Variants in BLTP1 observed in about 807,000 individuals in gnomAD.
BLTP1 encodes fragile site-associated protein.
chr4:122,346,155 A>G, the BLTP1 span, among the ~76,000 whole-genome samples: 2 of 152,152 alleles, frequency 1.3e-5, no homozygotes, highest in African/African-American at 4.8e-5. Flanking sequence ...GGAGTAGAAG[A>G]ATGCTCCAGA....
chr4:122,305,513 G>A, the BLTP1 span: 14 of 984,236 alleles, frequency 1.4e-5, no homozygotes, highest in Non-Finnish European at 1.7e-5. Context: ...AAAAATGCCA[G>A]TCACAGTTTC....
the BLTP1 span, among the ~76,000 whole-genome samples, chr4:122,262,475 T>A: frequency 6.6e-6 from 1 of 151,662 alleles, no homozygotes; most frequent in African/African-American, 2.4e-5. Context: ...CTCATCAGAT[T>A]AAGAAGGGAA....
chr4:122,274,547 G>A, the BLTP1 span: 12 of 1,441,298 alleles, frequency 8.3e-6, no homozygotes, highest in Middle Eastern at 2.1e-4. Flanking sequence ...TCAGTTCCCA[G>A]ATACTGAGAA....
At chr4:122,318,349 C>A in the BLTP1 span, 1 of 1,087,338 alleles carries the variant, frequency 9.2e-7, no homozygotes, top group Non-Finnish European at 1.4e-6. Context: ...GTACCAGGTA[C>A]CATCTAAAGC....
At chr4:122,189,376 A>C in the BLTP1 span, 1 of 983,538 alleles carries the variant, frequency 1.0e-6, no homozygotes, top group African/African-American at 1.7e-5. Flanking sequence ...TTTCTGGGAA[A>C]TTATTGATGG....
chr4:122,347,400 T>C, the BLTP1 span: 3 of 1,357,248 alleles, frequency 2.2e-6, no homozygotes, highest in Non-Finnish European at 3.0e-6. Context: ...AGCTGCTAAA[T>C]AGAGAACTAG....
At chr4:122,254,109 G>T in the BLTP1 span, 1 of 1,249,228 alleles carries the variant, frequency 8.0e-7, no homozygotes, top group South Asian at 1.4e-5. Context: ...TTGATGAAAA[G>T]GTTTTGCACT....
the BLTP1 span, among the ~76,000 whole-genome samples, chr4:122,268,303 T>C: frequency 6.7e-6 from 1 of 149,822 alleles, no homozygotes; most frequent in Non-Finnish European, 1.5e-5. Context: ...TGAATGGTCC[T>C]GTCCTTATGA....
chr4:122,169,635 C>T, the BLTP1 span: 1 of 962,696 alleles, frequency 1.0e-6, no homozygotes, highest in South Asian at 4.8e-5. Flanking sequence ...TGGTACATCT[C>T]AATATTCATA....
the BLTP1 span, chr4:122,292,345 T>G: frequency 5.6e-6 from 5 of 895,288 alleles, no homozygotes; most frequent in Non-Finnish European, 5.3e-6. Flanking sequence ...TAAAACAACT[T>G]GAGTATAAGA....
chr4:122,230,054 G>A, the BLTP1 span: 2 of 1,614,152 alleles, frequency 1.2e-6, no homozygotes, highest in East Asian at 2.2e-5. Flanking sequence ...TTGCAGAATT[G>A]GACTTCAGCC....
the BLTP1 span, chr4:122,245,256 A>T: frequency 1.2e-6 from 1 of 864,216 alleles, no homozygotes; most frequent in East Asian, 2.6e-5. Flanking sequence ...GACATGTTCT[A>T]AAAGCGTTTA....
chr4:122,163,812 T>C, the BLTP1 span, among the ~76,000 whole-genome samples: 1 of 152,212 alleles, frequency 6.6e-6, no homozygotes, highest in East Asian at 1.9e-4. Flanking sequence ...ATGCTTTTAA[T>C]CCATATAGTG....
At chr4:122,221,675 A>T in the BLTP1 span, 13 of 294,726 alleles carry the variant, frequency 4.4e-5, no homozygotes, top group African/African-American at 2.1e-4. Flanking sequence ...TATTAACCTT[A>T]AAAAAAAAAA....
chr4:122,356,723 T>C, the BLTP1 span: 1 of 1,613,462 alleles, frequency 6.2e-7, no homozygotes, highest in Non-Finnish European at 8.5e-7. Context: ...CTTCATGATT[T>C]AGTATCAGCT....
chr4:122,154,309 G>A, the BLTP1 span: 1 of 984,198 alleles, frequency 1.0e-6, no homozygotes, highest in Non-Finnish European at 1.2e-6. Flanking sequence ...CCAAGTAGCT[G>A]GGTCTTCTGA....
chr4:122,316,501 T>C, the BLTP1 span: 2 of 525,900 alleles, frequency 3.8e-6, no homozygotes, highest in Non-Finnish European at 7.5e-6. Flanking sequence ...CTCCCCTCAG[T>C]CTAGCCAGTC....
chr4:122,274,578 C>A, the BLTP1 span: 1 of 1,357,324 alleles, frequency 7.4e-7, no homozygotes, highest in Non-Finnish European at 9.5e-7. Context: ...AAGAATATCA[C>A]CAAATAAAAT....
At chr4:122,182,798 C>T in the BLTP1 span, 45 of 984,964 alleles carry the variant, frequency 4.6e-5, no homozygotes, top group Non-Finnish European at 4.7e-5. Flanking sequence ...TCTACCAAAT[C>T]GATTCAAGTA....
Sources: allele counts gnomAD v4.1 joint callset (sites outside exome capture counted in the v4.1 genomes callset), GRCh38; gene constraint gnomAD v4.1.1; transcripts MANE v1.5; gene names NCBI Gene and HGNC (gene_info 2026-07-23, HGNC 2026-07-21).